PRKG1: variants seen among roughly 807,000 people sequenced by gnomAD.
PRKG1 encodes the protein cGMP-dependent protein kinase 1.
Under a neutral mutation model 88.1 loss-of-function variants are expected in PRKG1, and 35 were observed. The ratio of observed to expected loss-of-function variants is 0.40; its 90% CI spans 0.30 to 0.53. PRKG1 has a LOEUF of 0.53. Among genes scored for constraint, PRKG1 ranks in the 20% least tolerant of loss-of-function variants. The pLI is 0.59. For missense variants in PRKG1, 540 were observed against 839.8 expected (o/e 0.64, Z 4.41); for synonymous variants, 303 against 292.5 (o/e 1.04, Z -0.37).
chr10:51,285,692 AGAG>A (rs1840421797), intron 2 of PRKG1, among the ~76,000 whole-genome samples: 1 of 152,196 alleles, frequency 6.6e-6, no homozygotes, highest in Non-Finnish European at 1.5e-5. Flanking sequence ...GGGACAAATG[AGAG>A]GATGGGGAGT....
chr10:51,157,200 T>C (rs1794879385), intron 2 of PRKG1, among the ~76,000 whole-genome samples: 1 of 151,938 alleles, frequency 6.6e-6, no homozygotes, highest in African/African-American at 2.4e-5. Flanking sequence ...GGGTGTAGTA[T>C]GCAGACATTA....
Position 52,210,232 on chromosome 10 carries a change from T to A in PRKG1, c.1077-41338T>A, listed in dbSNP as rs537692741. Among the ~76,000 whole-genome samples, 64 of 152,082 alleles carry A rather than the reference T, an allele frequency of 4.2e-4. 1 individual carries two copies. Among genetic ancestry groups the A allele is most frequent in the African/African-American group, 1.5e-3 (63 of 41,522 alleles). ...GCTGTTAGAATAAAATCAAAACGTG[T>A]CATCTCTTAGGTCTTGCAGAAGCTA... On this transcript the variant is annotated intron_variant, in intron 9 of 17. Coordinates refer to ENST00000373980, the MANE Select transcript of PRKG1 (RefSeq NM_006258.4).
chr10:51,516,893 C>A (rs1051236741), intron 3 of PRKG1, among the ~76,000 whole-genome samples: 3 of 151,726 alleles, frequency 2.0e-5, no homozygotes, highest in Non-Finnish European at 4.4e-5. Flanking sequence ...AACAAATATA[C>A]AAAAATAAGT....
intron 2 of PRKG1, among the ~76,000 whole-genome samples, chr10:51,159,655 G>A (rs1846311655): frequency 6.6e-6 from 1 of 152,084 alleles, no homozygotes; most frequent in South Asian, 2.1e-4. Flanking sequence ...GATGCCATGT[G>A]GGGTATCGTG....
intron 2 of PRKG1, among the ~76,000 whole-genome samples, chr10:51,420,098 A>T (rs1727482871): frequency 6.6e-6 from 1 of 152,130 alleles, no homozygotes; most frequent in Non-Finnish European, 1.5e-5. Context: ...TATGTCTGGC[A>T]TTGGCTTGGG....
rs376063424 is a variant in PRKG1 at position 51,942,376 on chromosome 10, T to C, written c.762+34806T>C. Among the ~76,000 whole-genome samples the C allele has an allele frequency of 6.7e-3, 1,009 of 151,198 alleles. 3 individuals carry two copies. The highest frequency in any genetic ancestry group is 0.024 in the Middle Eastern group (7 of 288). The stretch of plus-strand genomic sequence containing the variant: ...AGCCCTTTGTCAGATGAGTAGGTTG[T>C]GAAAATTTTCTCCCATTTTGTAGGT... On this transcript the variant is annotated intron_variant, in intron 5 of 17. Transcript: ENST00000373980.
intron 2 of PRKG1, among the ~76,000 whole-genome samples, chr10:51,429,462 G>C (rs1255196001): frequency 6.6e-6 from 1 of 151,970 alleles, no homozygotes; most frequent in Non-Finnish European, 1.5e-5. Context: ...GAAAAATGTG[G>C]CCCAGACTAA....
chr10:51,452,934 G>C (rs887639250), intron 2 of PRKG1, among the ~76,000 whole-genome samples: 3 of 151,636 alleles, frequency 2.0e-5, no homozygotes, highest in African/African-American at 7.3e-5. Context: ...AATTTTTTTT[G>C]TTGGTAATTC....
chr10:51,769,034 T>G (rs1190305534), intron 3 of PRKG1, among the ~76,000 whole-genome samples: 1 of 152,186 alleles, frequency 6.6e-6, no homozygotes, highest in African/African-American at 2.4e-5. Context: ...GTTCCTGTCC[T>G]TGAAGAGCTT....
intron 5 of PRKG1, among the ~76,000 whole-genome samples, chr10:51,953,071 T>C (rs957980799): frequency 1.3e-5 from 2 of 152,210 alleles, no homozygotes; most frequent in Non-Finnish European, 2.9e-5. Context: ...TTTCTGTCTA[T>C]GTTTAAGTTA....
chr10:52,220,780 G>GTA (rs1317699839), intron 9 of PRKG1, among the ~76,000 whole-genome samples: 6 of 152,026 alleles, frequency 3.9e-5, no homozygotes, highest in African/African-American at 7.2e-5. Flanking sequence ...GTATTCCATG[G>GTA]TATATATATA....
At chr10:51,242,572 A>G (rs1452815893) in intron 2 of PRKG1, among the ~76,000 whole-genome samples, 2 of 152,206 alleles carry the variant, frequency 1.3e-5, no homozygotes, top group Non-Finnish European at 2.9e-5. Context: ...TGAGTAAGAT[A>G]CAATCCCTGC....
chr10:51,087,370 T>C (rs1844280247), intron 1 of PRKG1, among the ~76,000 whole-genome samples: 1 of 152,216 alleles, frequency 6.6e-6, no homozygotes, highest in African/African-American at 2.4e-5. Context: ...ATATATGTGA[T>C]CTCATTTAAT....
intron 3 of PRKG1, among the ~76,000 whole-genome samples, chr10:51,662,000 T>C (rs1328702446): frequency 6.6e-6 from 1 of 152,094 alleles, no homozygotes; most frequent in Non-Finnish European, 1.5e-5. Flanking sequence ...CACCACATTT[T>C]CTCACTCATA....
intron 2 of PRKG1, among the ~76,000 whole-genome samples, chr10:51,321,206 A>T (rs1841446433): frequency 6.6e-6 from 1 of 152,176 alleles, no homozygotes; most frequent in Non-Finnish European, 1.5e-5. Context: ...TCTTTACATA[A>T]CTAGGCTTCA....
chr10:51,340,953 TG>T (rs1448356508), intron 2 of PRKG1, among the ~76,000 whole-genome samples: 2 of 152,174 alleles, frequency 1.3e-5, no homozygotes, highest in African/African-American at 4.8e-5. Context: ...TGCAGCTTGT[TG>T]ATAGAAAAAA....
chr10:52,090,486 T>C (rs1847029217), intron 7 of PRKG1, among the ~76,000 whole-genome samples: 1 of 151,254 alleles, frequency 6.6e-6, no homozygotes, highest in African/African-American at 2.5e-5. Context: ...ATAATTCTAA[T>C]TAATAAATGT....
chr10:51,568,274 G>T (rs1235095776), intron 3 of PRKG1, among the ~76,000 whole-genome samples: 1 of 152,070 alleles, frequency 6.6e-6, no homozygotes, highest in African/African-American at 2.4e-5. Flanking sequence ...CATATATAGT[G>T]CAGGGAATAC....
At chr10:51,021,271 A>G (rs1843132874) in intron 1 of PRKG1, among the ~76,000 whole-genome samples, 1 of 152,218 alleles carries the variant, frequency 6.6e-6, no homozygotes, top group South Asian at 2.1e-4. Context: ...GCAGGGTTAG[A>G]CAGAGCTCCT....
Sources: gnomAD v4.1 joint callset for allele counts (sites outside exome capture counted in the v4.1 genomes callset) on GRCh38, gnomAD v4.1.1 for gene constraint, MANE v1.5 for transcripts, NCBI Gene and HGNC (gene_info 2026-07-23, HGNC 2026-07-21) for gene names.